TSHZ2: variants seen among roughly 807,000 people sequenced by gnomAD.
The protein encoded by TSHZ2 is teashirt homolog 2.
A neutral mutation model predicts 74.4 loss-of-function variants in TSHZ2; 21 were observed. The observed-to-expected ratio is 0.28, with a 90% CI of 0.20 to 0.41. TSHZ2 has a LOEUF of 0.41. TSHZ2 is among the 10% of genes least tolerant of loss of function. The pLI is 1.00. For missense variants in TSHZ2, 1,244 were observed against 1,293.5 expected (o/e 0.96, Z 0.59); for synonymous variants, 540 against 515.3 (o/e 1.05, Z -0.65).
intron 2 of TSHZ2, among the ~76,000 whole-genome samples, chr20:53,351,575 T>G (rs775462709): frequency 6.6e-6 from 1 of 152,218 alleles, no homozygotes; most frequent in Non-Finnish European, 1.5e-5. Flanking sequence ...AGATAAAATG[T>G]GGCAGGTGGA....
intron 2 of TSHZ2, among the ~76,000 whole-genome samples, chr20:53,344,391 C>G (rs1207587331): frequency 2.0e-5 from 3 of 152,108 alleles, no homozygotes; most frequent in Non-Finnish European, 2.9e-5. Flanking sequence ...AAATAGCTTC[C>G]CAAGGCCACC....
intron 1 of TSHZ2, among the ~76,000 whole-genome samples, chr20:53,017,961 G>A (rs968431845): frequency 1.3e-5 from 2 of 152,120 alleles, no homozygotes; most frequent in Non-Finnish European, 2.9e-5. Flanking sequence ...ATAAAATCAT[G>A]GAACTTACCT....
At chr20:53,319,313 C>T (rs1263606388) in intron 2 of TSHZ2, among the ~76,000 whole-genome samples, 5 of 152,290 alleles carry the variant, frequency 3.3e-5, no homozygotes, top group East Asian at 1.9e-4. Context: ...TTACTACAGG[C>T]CAGGCATTAT....
chr20:53,019,650 A>G lies in TSHZ2; in HGVS notation c.40+46317A>G, dbSNP rs115655611. ...ACGTGAATTCCAAAGTGGTGAATATATATTCCACCACTTTGGAATTACATC... is the reference window on the plus strand; with the variant it reads ...ACGTGAATTCCAAAGTGGTGAATATGTATTCCACCACTTTGGAATTACATC... On this transcript the variant is annotated intron_variant, in intron 1 of 2. Transcript: ENST00000371497. 1.3e-3 allele frequency among the ~76,000 whole-genome samples: 199 copies of G among 152,266 alleles called. 1 individual carries two copies. The highest frequency in any genetic ancestry group is 4.5e-3 in the African/African-American group (187 of 41,566).
intron 1 of TSHZ2, among the ~76,000 whole-genome samples, chr20:53,057,415 C>T (rs6097215): frequency 1.1e-4 from 17 of 151,474 alleles, no homozygotes; most frequent in Non-Finnish European, 2.1e-4. Context: ...ATTTCCCAGA[C>T]GCCCTACAAC....
intron 1 of TSHZ2, among the ~76,000 whole-genome samples, chr20:53,034,155 TAGAC>T (rs372371231): frequency 1.1e-3 from 162 of 152,266 alleles, no homozygotes; most frequent in African/African-American, 3.3e-3. Flanking sequence ...TGGGAAACAA[TAGAC>T]AGAGACTTGT....
intron 1 of TSHZ2, among the ~76,000 whole-genome samples, chr20:53,049,007 G>A (rs1300781365): frequency 6.6e-6 from 1 of 152,178 alleles, no homozygotes; most frequent in Non-Finnish European, 1.5e-5. Context: ...CTGAAACTCA[G>A]TCTTCATGCC....
chr20:53,306,038 G>A (rs958794768), intron 2 of TSHZ2, among the ~76,000 whole-genome samples: 1 of 151,596 alleles, frequency 6.6e-6, no homozygotes, highest in Admixed American at 6.6e-5. Flanking sequence ...ACTGGTCTCA[G>A]ACCACAGAAA....
chr20:53,219,682 G>A (rs759831538), intron 1 of TSHZ2, among the ~76,000 whole-genome samples: 4 of 152,052 alleles, frequency 2.6e-5, no homozygotes, highest in South Asian at 2.1e-4. Flanking sequence ...GAGCTCCAGC[G>A]ATCAAAGAAG....
At chr20:52,998,184 G>T (rs1006238970) in intron 1 of TSHZ2, among the ~76,000 whole-genome samples, 42 of 151,836 alleles carry the variant, frequency 2.8e-4, no homozygotes, top group African/African-American at 9.4e-4. Context: ...TTCTTTTTTT[G>T]GGGGGACAGA....
chr20:53,307,063 G>T (rs1029911151), intron 2 of TSHZ2, among the ~76,000 whole-genome samples: 1 of 152,172 alleles, frequency 6.6e-6, no homozygotes, highest in African/African-American at 2.4e-5. Flanking sequence ...TAAGTGTTAA[G>T]CCAGAGACGT....
chr20:53,233,799 A>G (rs958038125), intron 1 of TSHZ2, among the ~76,000 whole-genome samples: 2 of 152,214 alleles, frequency 1.3e-5, no homozygotes, highest in Admixed American at 6.5e-5. Context: ...ACTAACAAAA[A>G]AAGAAGAGTA....
intron 2 of TSHZ2, among the ~76,000 whole-genome samples, chr20:53,334,599 G>A (rs556457163): frequency 2.6e-5 from 4 of 152,254 alleles, no homozygotes; most frequent in Admixed American, 6.5e-5. Context: ...ACTGATTTGG[G>A]GCCTTGTAGA....
chr20:53,023,842 C>T (rs1294394676), intron 1 of TSHZ2, among the ~76,000 whole-genome samples: 1 of 152,174 alleles, frequency 6.6e-6, no homozygotes, highest in Non-Finnish European at 1.5e-5. Context: ...AAATTGTCCA[C>T]TGAAACGCAG....
At chr20:53,272,386 C>A (rs757213605) in intron 2 of TSHZ2, among the ~76,000 whole-genome samples, 3 of 152,096 alleles carry the variant, frequency 2.0e-5, no homozygotes, top group African/African-American at 7.2e-5. Context: ...TCTGGGAGGG[C>A]AGGGGCTGCA....
intron 1 of TSHZ2, among the ~76,000 whole-genome samples, chr20:53,028,486 G>C (rs1300358360): frequency 6.6e-6 from 1 of 152,210 alleles, no homozygotes; most frequent in Non-Finnish European, 1.5e-5. Context: ...CTGTTGGTTG[G>C]GAATCTATTT....
intron 1 of TSHZ2, among the ~76,000 whole-genome samples, chr20:53,058,536 G>T (rs1245045783): frequency 6.6e-6 from 1 of 152,178 alleles, no homozygotes; most frequent in Non-Finnish European, 1.5e-5. Context: ...ATGGGGCCCT[G>T]TCTGACAGCA....
At chr20:53,370,139 A>G (rs970002391) in intron 2 of TSHZ2, among the ~76,000 whole-genome samples, 1 of 152,168 alleles carries the variant, frequency 6.6e-6, no homozygotes, top group East Asian at 1.9e-4. Flanking sequence ...GGGTGACAGT[A>G]GGCAAGGAAT....
At chr20:53,229,905 GA>G (rs60936867) in intron 1 of TSHZ2, among the ~76,000 whole-genome samples, 104,144 of 147,814 alleles carry the variant, frequency 0.7, 37,979 homozygotes, top group African/African-American at 0.91. Context: ...AGAGGGAGGG[GA>G]AAAAAAGAGA....
Sources: gnomAD v4.1 joint callset for allele counts (sites outside exome capture counted in the v4.1 genomes callset) on GRCh38, gnomAD v4.1.1 for gene constraint, MANE v1.5 for transcripts, NCBI Gene and HGNC (gene_info 2026-07-23, HGNC 2026-07-21) for gene names.